ZNRF1: variants seen among roughly 807,000 people sequenced by gnomAD.
ZNRF1 encodes the protein zinc and ring finger 1, also known as E3 ubiquitin-protein ligase ZNRF1.
ZNRF1 carries 3 observed loss-of-function variants against 18.4 expected under a neutral mutation model. The ratio of observed to expected loss-of-function variants is 0.16; its 90% CI spans 0.07 to 0.42. The LOEUF (loss-of-function observed/expected upper bound fraction) is 0.42. Ranked by LOEUF, ZNRF1 falls within the 10% of genes least tolerant of loss-of-function variation. ZNRF1 has a pLI of 0.99. For synonymous variants in ZNRF1, 157 were observed against 144.2 expected (o/e 1.09, Z -0.64); for missense variants, 310 against 329.8 (o/e 0.94, Z 0.47).
Position 75,106,483 on chromosome 16 carries a change from T to A in ZNRF1, c.628T>A (p.Cys210Ser). 1 of 1,614,106 alleles carries A rather than the reference T, an allele frequency of 6.2e-7. No individual in the cohort carries two copies. The highest frequency in any genetic ancestry group is 8.5e-7 in the Non-Finnish European group (1 of 1,179,998). The change falls in exon 4 of 5, where the codon TGC becomes AGC. Residue 210 changes from cysteine to serine, a missense_variant and splice_region_variant. Cys to Ser is a moderately radical substitution (Grantham distance 112). Around this residue, in one of 2 missense-constraint regions of ZNRF1, gnomAD observed 17 missense variants for 38.6 expected, o/e 0.44. Transcript: ENST00000335325. Reference protein sequence around the residue: ...LPCLCIYHKSCIDSWFEVNRS... With the variant: ...LPCLCIYHKSSIDSWFEVNRS... ...TCCCTTGCGGCCCCCTCCTCCCAGCTGCATAGACTCGTGGTTTGAAGTGAA... is the reference window on the plus strand; with the variant it reads ...TCCCTTGCGGCCCCCTCCTCCCAGCAGCATAGACTCGTGGTTTGAAGTGAA...
chr16:75,006,579 G>C (rs2034920687), intron 1 of ZNRF1, among the ~76,000 whole-genome samples: 1 of 152,170 alleles, frequency 6.6e-6, no homozygotes, highest in South Asian at 2.1e-4. Context: ...GGGATTACAG[G>C]CATGCACCAC....
At chr16:75,075,750 G>A (rs1437682402) in intron 1 of ZNRF1, among the ~76,000 whole-genome samples, 4 of 152,240 alleles carry the variant, frequency 2.6e-5, no homozygotes, top group African/African-American at 9.6e-5. Flanking sequence ...GGTGGAGGAG[G>A]AGGGTCACCT....
intron 2 of ZNRF1, among the ~76,000 whole-genome samples, chr16:75,099,211 C>G (rs1205623746): frequency 1.3e-5 from 2 of 152,182 alleles, no homozygotes; most frequent in African/African-American, 4.8e-5. Flanking sequence ...ATCCGAAGAT[C>G]CCCACAGGGG....
At chr16:75,051,929 T>C (rs566425818) in intron 1 of ZNRF1, among the ~76,000 whole-genome samples, 11 of 152,346 alleles carry the variant, frequency 7.2e-5, no homozygotes, top group Admixed American at 6.5e-4. Context: ...ACTATAGACA[T>C]CTGTATACTT....
chr16:75,057,150 C>T (rs1413303414), intron 1 of ZNRF1, among the ~76,000 whole-genome samples: 2 of 152,166 alleles, frequency 1.3e-5, no homozygotes, highest in Non-Finnish European at 2.9e-5. Flanking sequence ...TCAGGTACTA[C>T]CGGGGCATCT....
chr16:75,012,690 C>G (rs779907901), intron 1 of ZNRF1, among the ~76,000 whole-genome samples: 1 of 152,196 alleles, frequency 6.6e-6, no homozygotes, highest in Non-Finnish European at 1.5e-5. Flanking sequence ...TTCTGCCAAC[C>G]TAGCGTGAGT....
At chr16:75,069,534 C>T (rs538023508) in intron 1 of ZNRF1, among the ~76,000 whole-genome samples, 1 of 152,184 alleles carries the variant, frequency 6.6e-6, no homozygotes, top group African/African-American at 2.4e-5. Context: ...CTGCCTTAGC[C>T]TCTCGAGTAG....
chr16:75,046,318 C>A (rs1163450855), intron 1 of ZNRF1, among the ~76,000 whole-genome samples: 1 of 152,048 alleles, frequency 6.6e-6, no homozygotes, highest in African/African-American at 2.4e-5. Flanking sequence ...GTGGCACGAT[C>A]TCAGCTCACT....
At chr16:75,027,826 C>A (rs892038021) in intron 1 of ZNRF1, among the ~76,000 whole-genome samples, 2 of 152,156 alleles carry the variant, frequency 1.3e-5, no homozygotes, top group South Asian at 2.1e-4. Context: ...CTTAAACAGG[C>A]CCCTAATGCT....
intron 1 of ZNRF1, among the ~76,000 whole-genome samples, chr16:75,023,446 G>A (rs538285660): frequency 5.0e-4 from 76 of 152,320 alleles, no homozygotes; most frequent in African/African-American, 1.8e-3. Context: ...CACTTTGGGA[G>A]GCCAAGGTGG....
chr16:75,039,723 G>C (rs781422156), intron 1 of ZNRF1, among the ~76,000 whole-genome samples: 1 of 152,208 alleles, frequency 6.6e-6, no homozygotes, highest in Non-Finnish European at 1.5e-5. Flanking sequence ...GAAGAGAGGG[G>C]TTGGTCTGTC....
At chr16:75,035,504 A>C (rs1459015402) in intron 1 of ZNRF1, among the ~76,000 whole-genome samples, 1 of 152,214 alleles carries the variant, frequency 6.6e-6, no homozygotes. Context: ...GAAAGAATTC[A>C]ACTGAGGAGC....
chr16:75,048,508 C>G (rs1215422546), intron 1 of ZNRF1, among the ~76,000 whole-genome samples: 1 of 152,126 alleles, frequency 6.6e-6, no homozygotes, highest in African/African-American at 2.4e-5. Flanking sequence ...TGTTCCTGAC[C>G]ATAGAGAGAT....
chr16:75,064,704 CACTT>C (rs1482896716), intron 1 of ZNRF1, among the ~76,000 whole-genome samples: 1 of 152,200 alleles, frequency 6.6e-6, no homozygotes, highest in Admixed American at 6.5e-5. Flanking sequence ...TCCTCCTACT[CACTT>C]GCCCCACTCC....
At chr16:75,034,150 C>T (rs62061448) in intron 1 of ZNRF1, among the ~76,000 whole-genome samples, 46,374 of 152,038 alleles carry the variant, frequency 0.31, 8,276 homozygotes, top group East Asian at 0.61. Context: ...GAGCGAGGCT[C>T]CGTCTCAAAA....
chr16:75,039,093 A>G (rs147180066), intron 1 of ZNRF1, among the ~76,000 whole-genome samples: 12 of 152,346 alleles, frequency 7.9e-5, no homozygotes, highest in African/African-American at 1.7e-4. Context: ...CTCAGTGCCT[A>G]TCAGAATTGT....
chr16:75,014,699 A>G (rs1046521442), intron 1 of ZNRF1, among the ~76,000 whole-genome samples: 2 of 152,046 alleles, frequency 1.3e-5, no homozygotes, highest in Non-Finnish European at 2.9e-5. Flanking sequence ...TGTATCTTCA[A>G]CTCATAATTA....
rs184286406 is a variant in ZNRF1, at chr16:75,058,093, T to G, written c.425-35479T>G. 5.0e-4 allele frequency among the ~76,000 whole-genome samples: 66 copies of G among 133,218 alleles called. 1 individual carries two copies. The East Asian group carries it at 0.014, about 29-fold the overall frequency. 87.4% of individuals were successfully genotyped at this position (133,218 alleles called of 152,430 possible). A position where few individuals can be genotyped will look rare whatever the true frequency, so the allele number is the denominator to read the frequency against. On this transcript the variant is annotated intron_variant, in intron 1 of 4. Transcript: ENST00000335325. ...TACACTGATACTTGACCTGCCCTTT[T>G]TCCTTTCCTTTTCTTTTTTTTTTTT...
At chr16:75,073,146 C>CTCTCTCTCTGTCTCTCTG (rs146902791) in intron 1 of ZNRF1, among the ~76,000 whole-genome samples, 1,599 of 128,702 alleles carry the variant, frequency 0.012, 21 homozygotes, top group Non-Finnish European at 0.017. Flanking sequence ...CTCTCTCTCT[C>CTCTCTCTCTGTCTCTCTG]TCTCTCTGTC....
Sources: gnomAD v4.1 joint callset for allele counts (sites outside exome capture counted in the v4.1 genomes callset) on GRCh38, gnomAD v4.1.1 for gene constraint, gnomAD v4.1.1 regional missense constraint, MANE v1.5 for transcripts, NCBI Gene and HGNC (gene_info 2026-07-23, HGNC 2026-07-21) for gene names.